The following ANAPC10 variants were observed in gnomAD, a reference collection of about 807,000 sequenced individuals.
The protein encoded by ANAPC10 is anaphase promoting complex subunit 10.
Under a neutral mutation model 22.0 loss-of-function variants are expected in ANAPC10, and 12 were observed. The observed-to-expected ratio is 0.55, with a 90% CI of 0.35 to 0.88. The LOEUF (loss-of-function observed/expected upper bound fraction) is 0.88. Ranked by LOEUF, ANAPC10 falls within the 40% of genes least tolerant of loss-of-function variation. The pLI is 0.01. For missense variants in ANAPC10, 188 were observed against 220.9 expected (o/e 0.85, Z 0.94); for synonymous variants, 65 against 69.5 (o/e 0.94, Z 0.32).
At chr4:145,057,890 A>C (rs143946926) in intron 4 of ANAPC10, among the ~76,000 whole-genome samples, 26 of 152,218 alleles carry the variant, frequency 1.7e-4, no homozygotes, top group African/African-American at 6.0e-4. Flanking sequence ...AAGTCCTTTT[A>C]ATTTATTTCA....
chr4:145,047,439 T>C (rs1740474185), intron 4 of ANAPC10, among the ~76,000 whole-genome samples: 1 of 152,146 alleles, frequency 6.6e-6, no homozygotes, highest in Non-Finnish European at 1.5e-5. Context: ...TGACTATAAC[T>C]TCAGGTTAAA....
At chr4:144,997,289 G>C (rs1036973036) in intron 4 of ANAPC10, among the ~76,000 whole-genome samples, 30 of 152,240 alleles carry the variant, frequency 2.0e-4, no homozygotes, top group African/African-American at 7.0e-4. Context: ...ATACTTGTCA[G>C]ATTCACCAAG....
intron 4 of ANAPC10, among the ~76,000 whole-genome samples, chr4:145,039,554 G>A (rs1031238177): frequency 1.3e-5 from 2 of 151,766 alleles, no homozygotes; most frequent in Admixed American, 6.6e-5. Context: ...AACTATAGAT[G>A]TATTGATTTT....
chr4:145,042,915 T>C (rs1739720292), intron 4 of ANAPC10, among the ~76,000 whole-genome samples: 1 of 151,054 alleles, frequency 6.6e-6, no homozygotes, highest in African/African-American at 2.4e-5. Context: ...GAAAAAATTG[T>C]CTAAAAAAAA....
At chr4:145,028,989 GAC>G (rs898988734) in intron 4 of ANAPC10, among the ~76,000 whole-genome samples, 3 of 152,132 alleles carry the variant, frequency 2.0e-5, no homozygotes, top group African/African-American at 7.2e-5. Flanking sequence ...TGGAAAAACA[GAC>G]ACAATCTCTT....
In ANAPC10 at chr4:145,027,999, A is replaced by C. The variant is rs114871260; in HGVS notation, c.328-32396T>G. ...GTGTCTGAGAAGCAGACACCAAGAC[A>C]GGGTTAGAAATACAAGAAATTTAGT... is the stretch of plus-strand genomic sequence containing the variant. On this transcript the variant is annotated intron_variant, in intron 4 of 4. Coordinates refer to ENST00000507656, the MANE Select transcript of ANAPC10 (RefSeq NM_001256706.2). 1.0e-2 allele frequency among the ~76,000 whole-genome samples: 1,517 copies of C among 152,320 alleles called. 22 individuals are homozygous for C. The highest frequency in any genetic ancestry group is 0.035 in the African/African-American group (1,454 of 41,566).
intron 4 of ANAPC10, among the ~76,000 whole-genome samples, chr4:145,057,251 G>A (rs1223926523): frequency 6.6e-6 from 1 of 152,092 alleles, no homozygotes; most frequent in South Asian, 2.1e-4. Flanking sequence ...TCCAAAGAGT[G>A]CTTAAACAAG....
intron 4 of ANAPC10, among the ~76,000 whole-genome samples, chr4:144,996,372 T>C (rs1731612585): frequency 1.3e-5 from 2 of 152,128 alleles, no homozygotes; most frequent in Non-Finnish European, 2.9e-5. Flanking sequence ...TGGGCGCCAC[T>C]TGGAGAATCT....
chr4:145,043,545 G>C (rs1196233516), intron 4 of ANAPC10, among the ~76,000 whole-genome samples: 1 of 152,044 alleles, frequency 6.6e-6, no homozygotes, highest in East Asian at 1.9e-4. Flanking sequence ...TCAAACACAT[G>C]CACTGAGCTG....
Position 145,089,817 on chromosome 4 carries a change from G to A in ANAPC10, c.115+6168C>T, listed in dbSNP as rs531105172. Among the ~76,000 whole-genome samples the A allele has an allele frequency of 3.9e-5, 6 of 151,996 alleles. No individual in the cohort carries two copies. In the South Asian group the frequency reaches 6.2e-4, roughly 16 times the overall value. On this transcript the variant is annotated intron_variant, in intron 2 of 4. Coordinates refer to ENST00000507656, the MANE Select transcript of ANAPC10 (RefSeq NM_001256706.2). ...TATATCACTTCCTATCTGATTTATCGCGTCTCCTGATTTCCTTTTTATTTC... is the reference window on the plus strand; with the variant it reads ...TATATCACTTCCTATCTGATTTATCACGTCTCCTGATTTCCTTTTTATTTC...
chr4:144,997,907 CAAAA>C (rs560379582), intron 4 of ANAPC10, among the ~76,000 whole-genome samples: 195 of 151,188 alleles, frequency 1.3e-3, no homozygotes, highest in Middle Eastern at 3.4e-3. Flanking sequence ...AAATGGAAAA[CAAAA>C]AAAACCAGGG....
At chr4:145,085,463 C>A (rs1193841572) in intron 2 of ANAPC10, among the ~76,000 whole-genome samples, 1 of 151,168 alleles carries the variant, frequency 6.6e-6, no homozygotes, top group Admixed American at 6.6e-5. Flanking sequence ...GCTACCTCAG[C>A]TAGGTTTTTT....
At chr4:145,073,984 G>T (rs935836556) in intron 3 of ANAPC10, among the ~76,000 whole-genome samples, 11 of 151,772 alleles carry the variant, frequency 7.2e-5, no homozygotes, top group African/African-American at 2.7e-4. Flanking sequence ...CAGCAAACAA[G>T]TACATTAGTC....
At chr4:145,095,946 T>C in intron 2 of ANAPC10, 39 bp downstream of exon 2, 1 of 1,613,720 alleles carries the variant, frequency 6.2e-7, no homozygotes, top group Non-Finnish European at 8.5e-7. Context: ...AAACTGCAAG[T>C]GACTATTTCC....
At chr4:145,063,951 A>C (rs553832870) in intron 4 of ANAPC10, 11 of 152,222 alleles carry the variant, frequency 7.2e-5, no homozygotes, top group Non-Finnish European at 1.5e-4. Context: ...CAATAAAATC[A>C]GTATAATAGT....
At chr4:145,054,640 TGCGC>T (rs1158824604) in intron 4 of ANAPC10, among the ~76,000 whole-genome samples, 28 of 90,324 alleles carry the variant, frequency 3.1e-4, no homozygotes, top group African/African-American at 6.8e-4. Context: ...TGTGTGTGTG[TGCGC>T]GCGCGCGCGC....
At chr4:145,060,950 A>G (rs532951666) in intron 4 of ANAPC10, among the ~76,000 whole-genome samples, 1 of 152,258 alleles carries the variant, frequency 6.6e-6, no homozygotes, top group Admixed American at 6.5e-5. Flanking sequence ...TGTATAATTA[A>G]AAGATAAAAG....
intron 4 of ANAPC10, among the ~76,000 whole-genome samples, chr4:145,011,987 A>AACTGCAAAGCAGCTTCC (rs1204765436): frequency 2.0e-5 from 3 of 152,190 alleles, no homozygotes; most frequent in East Asian, 1.9e-4. Context: ...ACCTTGCAAG[A>AACTGCAAAGCAGCTTCC]ACTGCAAAGC....
intron 4 of ANAPC10, among the ~76,000 whole-genome samples, chr4:145,029,065 A>G (rs1737156943): frequency 6.6e-6 from 1 of 152,166 alleles, no homozygotes; most frequent in Admixed American, 6.6e-5. Context: ...GTCTACTGTT[A>G]AAGTGAGGGC....
Sources: gnomAD v4.1 joint callset for allele counts (sites outside exome capture counted in the v4.1 genomes callset) on GRCh38, gnomAD v4.1.1 for gene constraint, MANE v1.5 for transcripts, NCBI Gene and HGNC (gene_info 2026-07-23, HGNC 2026-07-21) for gene names.